The following RADX variants were observed in gnomAD, a reference collection of about 807,000 sequenced individuals.
RADX encodes the protein RPA-related protein RADX.
RADX carries 36 observed loss-of-function variants against 61.6 expected under a neutral mutation model. That is an observed-to-expected ratio of 0.58 (90% CI 0.45 to 0.77). RADX has a LOEUF of 0.77. Ranked by LOEUF, RADX falls within the 30% of genes least tolerant of loss-of-function variation. RADX has a pLI of 0.00. For synonymous variants in RADX, 272 were observed against 237.9 expected (o/e 1.14, Z -1.32); for missense variants, 497 against 651.1 (o/e 0.76, Z 2.58).
At chrX:106,663,589 T>C (rs868061584) in intron 12 of RADX, among the ~76,000 whole-genome samples, 2 of 111,968 alleles carry the variant, frequency 1.8e-5, no homozygotes, top group Middle Eastern at 4.8e-3. Flanking sequence ...TCAATAATAA[T>C]TTAATTGTAC....
intron 3 of RADX, among the ~76,000 whole-genome samples, chrX:106,631,811 AAGAG>A (rs753257937): frequency 1.8e-3 from 191 of 108,914 alleles, no homozygotes; most frequent in Non-Finnish European, 3.1e-3. Context: ...AGAAGAAAGA[AAGAG>A]AAAGAAAGAA....
chrX:106,640,607 A>G lies in RADX; in HGVS notation c.1790A>G (p.Asn597Ser), dbSNP rs1039038876. The change falls in exon 10 of 14, where the codon AAT (asparagine) becomes AGT (serine). Residue 597 changes from asparagine (N) to serine (S), a missense_variant. By Grantham distance (46) the Asn-to-Ser change is conservative (BLOSUM62 1). Transcript: ENST00000372548. ...QAARVEIQER[N>S]GKRHQDDEPV... ...GCTAGAGTAGAAATTCAAGAAAGAA[A>G]TGGTAAACGGCATCAAGATGATGAG... The G allele has an allele frequency of 8.3e-7, 1 of 1,199,873 alleles. No homozygotes were observed. The highest frequency in any genetic ancestry group is 1.1e-6 in the Non-Finnish European group (1 of 887,968).
intron 10 of RADX, 71 bp downstream of exon 10, chrX:106,640,792 G>T: frequency 1.3e-6 from 1 of 742,027 alleles, no homozygotes; most frequent in Admixed American, 3.7e-5. Context: ...TGTAAAATAA[G>T]CAATTATCGT....
In RADX at chrX:106,640,715, C is replaced by T; in HGVS notation, c.1898C>T (p.Ala633Val). ...NKIRILQGPH[A>V]NPVAVPQPGA... Reference sequence around the variant, plus strand: ...ATAAGAATTCTTCAAGGCCCACACGCTAATCCGTAAGTCATTTGTATTAAG... The same window carrying T: ...ATAAGAATTCTTCAAGGCCCACACGTTAATCCGTAAGTCATTTGTATTAAG... Residue 633 changes from alanine to valine, a missense_variant, in exon 10 of 14, where the codon GCT becomes GTT. By Grantham distance (64) the Ala-to-Val change is moderately conservative. This residue lies in a region of RADX where 267 missense variants were observed against 306.9 expected (regional missense o/e 0.87). Coordinates refer to ENST00000372548, the MANE Select transcript of RADX (RefSeq NM_018015.6). 8.5e-7 allele frequency: 1 copy of T among 1,170,550 alleles called. No individual in the cohort carries two copies. Among genetic ancestry groups the T allele is most frequent in the Non-Finnish European group, 1.2e-6 (1 of 869,248 alleles).
At position 106,625,065 on chromosome X, in the gene RADX, G is replaced by A. The variant is rs774192822; in HGVS notation, c.787-25G>A. 1.1e-5 allele frequency: 12 copies of A among 1,090,488 alleles called. No individual in the cohort carries two copies. In the Admixed American group the frequency reaches 3.2e-4, roughly 29 times the overall value. The allele number at this position is 1,090,488 out of a possible 1,213,427, so 89.9% of individuals were successfully genotyped here. A position where few individuals can be genotyped will look rare whatever the true frequency, so the allele number is the denominator to read the frequency against. ...ACAGATAAAAGTGACAAATATGTAT[G>A]TGCTTTTACTCATTTTCTTTCTAGA... On this transcript the variant is annotated intron_variant, in intron 2 of 13. Coordinates refer to ENST00000372548, the MANE Select transcript of RADX (RefSeq NM_018015.6).
chrX:106,648,509 T>C (rs1927719003), intron 11 of RADX, 123 bp downstream of exon 11: 2 of 469,453 alleles, frequency 4.3e-6, no homozygotes, highest in Non-Finnish European at 3.6e-6. Context: ...CATATAGTAA[T>C]ATTAGCTTAG....
At chrX:106,671,178 T>G (rs975315365) in intron 13 of RADX, among the ~76,000 whole-genome samples, 2 of 111,960 alleles carry the variant, frequency 1.8e-5, no homozygotes, top group African/African-American at 6.5e-5. Context: ...TCTCTCTTTC[T>G]CGAATAAATA....
At chrX:106,662,582 AG>A (rs1247903563) in intron 12 of RADX, among the ~76,000 whole-genome samples, 2 of 110,085 alleles carry the variant, frequency 1.8e-5, no homozygotes, top group African/African-American at 6.6e-5. Context: ...TCAGCTTCTA[AG>A]GCAGCTTCTG....
intron 3 of RADX, among the ~76,000 whole-genome samples, chrX:106,627,569 A>G (rs1298520134): frequency 9.0e-6 from 1 of 111,198 alleles, no homozygotes; most frequent in Non-Finnish European, 1.9e-5. Context: ...CATTTCTGCA[A>G]TCTGACTGAA....
chrX:106,631,411 A>G (rs1927213018), intron 3 of RADX, among the ~76,000 whole-genome samples: 1 of 111,094 alleles, frequency 9.0e-6, no homozygotes, highest in Admixed American at 9.6e-5. Context: ...TAGATTGGCC[A>G]AAAGTACCAA....
chrX:106,612,118 C>T lies in RADX; in HGVS notation c.38C>T (p.Ser13Leu), dbSNP rs1440891234. The T allele has an allele frequency of 1.7e-6, 2 of 1,210,928 alleles. No individual in the cohort carries two copies. Among genetic ancestry groups the T allele is most frequent in the East Asian group, 3.0e-5 (1 of 33,846 alleles). The change falls in exon 1 of 14, where the codon TCA becomes TTA. Residue 13 changes from serine (S) to leucine (L), a missense_variant. Ser to Leu is a moderately radical substitution (Grantham distance 145). This residue lies in a region of RADX where 34 missense variants were observed against 29.1 expected (regional missense o/e 1.17). Coordinates refer to ENST00000372548, the MANE Select transcript of RADX (RefSeq NM_018015.6). ...GESGQPEAGP[S>L]HAGLDWPNPE... is the part of the protein sequence containing the mutation. Reference sequence around the variant, plus strand: ...TCAGGACAGCCTGAGGCTGGTCCCTCACATGCAGGGCTAGATTGGCCGAAC... The same window carrying T: ...TCAGGACAGCCTGAGGCTGGTCCCTTACATGCAGGGCTAGATTGGCCGAAC...
intron 10 of RADX, among the ~76,000 whole-genome samples, chrX:106,641,714 C>T (rs1927518758): frequency 9.0e-6 from 1 of 111,160 alleles, no homozygotes; most frequent in Non-Finnish European, 1.9e-5. Context: ...TGGGTGATGG[C>T]CCCACACTCT....
chrX:106,676,918 G>T (rs1219686254), intron 13 of RADX, among the ~76,000 whole-genome samples: 2 of 111,452 alleles, frequency 1.8e-5, no homozygotes, highest in Non-Finnish European at 3.8e-5. Context: ...GTTGTACAAA[G>T]GAGTTTTTAA....
intron 10 of RADX, among the ~76,000 whole-genome samples, chrX:106,644,905 T>C (rs1479440992): frequency 9.0e-6 from 1 of 111,190 alleles, no homozygotes; most frequent in Non-Finnish European, 1.9e-5. Context: ...CCCAGGCTTT[T>C]CTTTACTGGG....
intron 12 of RADX, among the ~76,000 whole-genome samples, chrX:106,665,162 A>G (rs1483856478): frequency 4.5e-5 from 5 of 112,256 alleles, no homozygotes; most frequent in African/African-American, 1.6e-4. Context: ...GAAGAGAGGA[A>G]TAAATCTCTT....
intron 8 of RADX, chrX:106,638,689 A>G (rs1328958591): frequency 8.9e-6 from 1 of 112,345 alleles, no homozygotes; most frequent in African/African-American, 3.2e-5. Flanking sequence ...AAAATAAAGA[A>G]AATCAGAAAT....
In RADX at chrX:106,625,112, G is replaced by T. The variant is rs1328136951; in HGVS notation, c.809G>T (p.Ser270Ile). The change falls in exon 3 of 14, where the codon AGT becomes ATT. Residue 270 changes from serine to isoleucine, a missense_variant. Physicochemically the swap from Ser to Ile is moderately radical, Grantham distance 142 (BLOSUM62 -2). Transcript: ENST00000372548. Reference protein sequence around the residue: ...PYQTFLEVADSSGTVSVIMWN... With the variant: ...PYQTFLEVADISGTVSVIMWN... ...TAGACCTTTTTGGAAGTTGCTGACA[G>T]TTCAGGCACAGTGTCAGTGATTATG... 9 of 1,191,227 alleles carry T rather than the reference G, an allele frequency of 7.6e-6. No individual in the cohort carries two copies. Among genetic ancestry groups the T allele is most frequent in the Non-Finnish European group, 1.0e-5 (9 of 887,330 alleles).
chrX:106,629,988 A>C (rs979009926), intron 3 of RADX, among the ~76,000 whole-genome samples: 2 of 112,010 alleles, frequency 1.8e-5, no homozygotes, highest in African/African-American at 6.5e-5. Context: ...ACTATTCATT[A>C]ATTTAAAAAA....
intron 11 of RADX, among the ~76,000 whole-genome samples, chrX:106,652,190 A>G (rs1333724695): frequency 9.0e-6 from 1 of 111,270 alleles, no homozygotes; most frequent in Non-Finnish European, 1.9e-5. Flanking sequence ...GCATGCACCT[A>G]TAGTCCTAGC....
Sources: gnomAD v4.1 joint callset for allele counts (sites outside exome capture counted in the v4.1 genomes callset) on GRCh38, gnomAD v4.1.1 for gene constraint, gnomAD v4.1.1 regional missense constraint, MANE v1.5 for transcripts, NCBI Gene and HGNC (gene_info 2026-07-23, HGNC 2026-07-21) for gene names.